DCC: variants seen among roughly 807,000 people sequenced by gnomAD.
The protein encoded by DCC is DCC netrin 1 receptor.
DCC carries 58 observed loss-of-function variants against 172.5 expected under a neutral mutation model. The ratio of observed to expected loss-of-function variants is 0.34; its 90% CI spans 0.27 to 0.42. The LOEUF is 0.42. Ranked by LOEUF, DCC falls within the 10% of genes least tolerant of loss-of-function variation. The probability of loss-of-function intolerance (pLI) is 1.00; values close to 1 mark genes in which losing one functional copy is unlikely to be tolerated. For missense variants in DCC, 1,740 were observed against 1,791.0 expected, an observed-to-expected ratio of 0.97 and a Z score of 0.51; for synonymous variants, 709 against 644.5, an observed-to-expected ratio of 1.10 and a Z score of -1.52.
At position 53,269,209 on chromosome 18, in the gene DCC, A is replaced by G. The variant is rs183781033; in HGVS notation, c.1912-36369A>G. Among the ~76,000 whole-genome samples the G allele has an allele frequency of 7.9e-5, 12 of 152,264 alleles. No individual in the cohort carries two copies. In the East Asian group the frequency reaches 2.3e-3, roughly 29 times the overall value. ...ACTGGAATGATAAAATAACTAGCGT[A>G]TTCTTTATTTATTTGCTATAAAATG... On this transcript the variant is annotated intron_variant, in intron 12 of 28. Coordinates refer to ENST00000442544, the MANE Select transcript of DCC (RefSeq NM_005215.4).
intron 1 of DCC, among the ~76,000 whole-genome samples, chr18:52,366,285 G>A (rs1277568679): frequency 2.6e-5 from 4 of 152,118 alleles, no homozygotes; most frequent in Non-Finnish European, 4.4e-5. Flanking sequence ...TAAAAGCAGC[G>A]TGGACCCAAA....
intron 2 of DCC, among the ~76,000 whole-genome samples, chr18:52,790,422 T>A (rs1233784004): frequency 6.6e-6 from 1 of 152,156 alleles, no homozygotes; most frequent in Admixed American, 6.5e-5. Context: ...TTTTACCAGT[T>A]TGCATGGGAA....
At chr18:53,065,871 A>G (rs1183339072) in intron 6 of DCC, among the ~76,000 whole-genome samples, 175 bp from the exon 7 acceptor site, 3 of 152,124 alleles carry the variant, frequency 2.0e-5, no homozygotes, top group Non-Finnish European at 4.4e-5. Context: ...AAAATTGGGA[A>G]GGTATGACTT....
Position 53,086,892 on chromosome 18 carries a change from A to G in DCC, c.1261+20726A>G, listed in dbSNP as rs1353563486. On this transcript the variant is annotated intron_variant, in intron 7 of 28. Coordinates refer to ENST00000442544, the MANE Select transcript of DCC (RefSeq NM_005215.4). ...TTGCAATAGTTTACTGACAATGATG[A>G]TTTCCAATTTCATCCATGTCCCTAC... Among the ~76,000 whole-genome samples, 57 of 150,946 alleles carry G rather than the reference A, an allele frequency of 3.8e-4. 2 individuals are homozygous for G. In the East Asian group the frequency reaches 0.011, roughly 29 times the overall value.
At chr18:53,003,916 G>A (rs769347505) in intron 5 of DCC, among the ~76,000 whole-genome samples, 5 of 152,064 alleles carry the variant, frequency 3.3e-5, no homozygotes, top group African/African-American at 4.8e-5. Context: ...TCTACAAGGT[G>A]TATCAGGCTT....
intron 1 of DCC, among the ~76,000 whole-genome samples, chr18:52,478,678 A>G (rs1359787818): frequency 3.3e-5 from 5 of 152,210 alleles, no homozygotes; most frequent in Non-Finnish European, 7.3e-5. Context: ...GGGGGAGCAG[A>G]CACATAACAT....
chr18:52,925,833 C>G (rs992364350), intron 5 of DCC, among the ~76,000 whole-genome samples: 3 of 151,160 alleles, frequency 2.0e-5, no homozygotes, highest in Non-Finnish European at 4.4e-5. Flanking sequence ...TGAAAGTGAA[C>G]CATTAAAATA....
intron 1 of DCC, among the ~76,000 whole-genome samples, chr18:52,391,430 T>C (rs529200142): frequency 7.9e-5 from 12 of 152,270 alleles, no homozygotes; most frequent in African/African-American, 1.7e-4. Context: ...AACTGAAATA[T>C]ATAGTTTAAA....
chr18:52,342,810 G>T (rs1010140556), intron 1 of DCC, among the ~76,000 whole-genome samples: 1 of 152,230 alleles, frequency 6.6e-6, no homozygotes, highest in Admixed American at 6.5e-5. Context: ...CTGGCATAGG[G>T]TGGGGGTAGA....
chr18:52,792,451 A>G (rs935905622), intron 2 of DCC, among the ~76,000 whole-genome samples: 2 of 152,332 alleles, frequency 1.3e-5, no homozygotes, highest in South Asian at 2.1e-4. Context: ...AGGTCAGTCC[A>G]TAAGCCTTTG....
At chr18:53,446,530 G>A (rs1912622909) in intron 22 of DCC, among the ~76,000 whole-genome samples, 1 of 152,114 alleles carries the variant, frequency 6.6e-6, no homozygotes, top group Non-Finnish European at 1.5e-5. Flanking sequence ...ACTAATCTAG[G>A]TTTGAGAGCT....
At chr18:52,762,631 C>G (rs1162048486) in intron 2 of DCC, among the ~76,000 whole-genome samples, 1 of 152,068 alleles carries the variant, frequency 6.6e-6, no homozygotes, top group Non-Finnish European at 1.5e-5. Flanking sequence ...TGAGACCAGT[C>G]TGAGCAACAT....
chr18:52,753,693 G>T (rs1361930430), intron 2 of DCC, among the ~76,000 whole-genome samples: 1 of 152,068 alleles, frequency 6.6e-6, no homozygotes, highest in Non-Finnish European at 1.5e-5. Flanking sequence ...AACAGTTTTT[G>T]TTTTCACCTG....
chr18:53,170,811 C>T (rs928145462), intron 8 of DCC, among the ~76,000 whole-genome samples: 2 of 152,070 alleles, frequency 1.3e-5, no homozygotes, highest in African/African-American at 2.4e-5. Context: ...AGAAACAGCC[C>T]CCCTGACTTA....
rs116438791 is a variant in DCC at position 53,359,788 on chromosome 18, T to C, written c.2359+19881T>C. 9.6e-3 allele frequency among the ~76,000 whole-genome samples: 1,465 copies of C among 152,278 alleles called. 14 individuals are homozygous for C. Among genetic ancestry groups the C allele is most frequent in the Admixed American group, 0.026 (397 of 15,274 alleles). On this transcript the variant is annotated intron_variant, in intron 15 of 28. Transcript: ENST00000442544. ...GAATTCCTCAAGGAGAAGCCCCTTC[T>C]AGTTTTATAATGACATCCAGAGCCT...
intron 13 of DCC, among the ~76,000 whole-genome samples, chr18:53,319,517 T>A (rs949857981): frequency 2.0e-5 from 3 of 152,212 alleles, no homozygotes; most frequent in Admixed American, 6.5e-5. Flanking sequence ...CTAAATTGCT[T>A]TCTAATGATA....
At position 52,907,590 on chromosome 18, in the gene DCC, T is replaced by C. The variant is rs1351939876; in HGVS notation, c.697+1262T>C. 2.6e-5 allele frequency among the ~76,000 whole-genome samples: 4 copies of C among 152,024 alleles called. No homozygotes were observed. In the South Asian group the frequency reaches 6.2e-4, roughly 24 times the overall value. Reference sequence around the variant, plus strand: ...CACCACACCCGGCTAATTTTTTGTATTTTTTTGTAAAGAAGAGGTTTCATC... The same window carrying C: ...CACCACACCCGGCTAATTTTTTGTACTTTTTTGTAAAGAAGAGGTTTCATC... On this transcript the variant is annotated intron_variant, in intron 3 of 28. Coordinates refer to ENST00000442544, the MANE Select transcript of DCC (RefSeq NM_005215.4).
At chr18:53,214,278 A>T (rs1183154187) in intron 11 of DCC, among the ~76,000 whole-genome samples, 4 of 149,412 alleles carry the variant, frequency 2.7e-5, no homozygotes, top group East Asian at 2.0e-4. Context: ...AAATCAAAAT[A>T]AAAAAAAAAG....
intron 1 of DCC, among the ~76,000 whole-genome samples, chr18:52,437,782 G>T (rs1458015706): frequency 1.3e-5 from 2 of 152,068 alleles, no homozygotes; most frequent in Non-Finnish European, 2.9e-5. Context: ...TGGCTATATG[G>T]AACAGGAACC....
Sources: gnomAD v4.1 joint callset for allele counts (sites outside exome capture counted in the v4.1 genomes callset) on GRCh38, gnomAD v4.1.1 for gene constraint, MANE v1.5 for transcripts, NCBI Gene and HGNC (gene_info 2026-07-23, HGNC 2026-07-21) for gene names.